The following KCTD8 variants were observed in gnomAD, a reference collection of about 807,000 sequenced individuals.
KCTD8 encodes the protein potassium channel tetramerization domain containing 8, also known as BTB/POZ domain-containing protein KCTD8.
Under a neutral mutation model 31.5 loss-of-function variants are expected in KCTD8, and 27 were observed. That is an observed-to-expected ratio of 0.86 (90% CI 0.63 to 1.18). The LOEUF (loss-of-function observed/expected upper bound fraction) is 1.18, where lower values mean the gene tolerates loss of function less well. KCTD8 is among the 50% of genes most tolerant of loss of function. The pLI is 0.00. For missense variants in KCTD8, 658 were observed against 647.7 expected, an observed-to-expected ratio of 1.02 and a Z score of -0.17; for synonymous variants, 290 against 280.0, an observed-to-expected ratio of 1.04 and a Z score of -0.36.
chr4:44,312,499 C>G (rs894245775), intron 1 of KCTD8, among the ~76,000 whole-genome samples: 2 of 151,242 alleles, frequency 1.3e-5, no homozygotes, highest in Admixed American at 6.6e-5. Context: ...ATTATTCAAG[C>G]ACTAAAATCT....
At chr4:44,403,877 T>C (rs4695715) in intron 1 of KCTD8, among the ~76,000 whole-genome samples, 2 of 151,926 alleles carry the variant, frequency 1.3e-5, no homozygotes, top group African/African-American at 4.8e-5. Context: ...TAATATTTTT[T>C]AAAAATGTTT....
intron 1 of KCTD8, among the ~76,000 whole-genome samples, chr4:44,251,593 A>AAGTT (rs1178193059): frequency 6.6e-6 from 1 of 151,362 alleles, no homozygotes; most frequent in African/African-American, 2.4e-5. Context: ...ATTTGTCTTA[A>AAGTT]AGTTACATTT....
chr4:44,243,148 A>G (rs1418472056), intron 1 of KCTD8, among the ~76,000 whole-genome samples: 1 of 152,212 alleles, frequency 6.6e-6, no homozygotes, highest in East Asian at 1.9e-4. Context: ...AAATGATGAA[A>G]GACAGAAAGG....
At chr4:44,287,577 T>C (rs140840231) in intron 1 of KCTD8, among the ~76,000 whole-genome samples, 307 of 152,286 alleles carry the variant, frequency 2.0e-3, no homozygotes, top group African/African-American at 7.1e-3. Flanking sequence ...ATTGAAACAC[T>C]CTTCCTTACA....
chr4:44,405,593 A>T (rs1236742482), intron 1 of KCTD8, among the ~76,000 whole-genome samples: 1 of 152,000 alleles, frequency 6.6e-6, no homozygotes, highest in Admixed American at 6.6e-5. Flanking sequence ...AATCACAGAA[A>T]ACTAGAGAAA....
At chr4:44,351,336 C>G (rs974671408) in intron 1 of KCTD8, among the ~76,000 whole-genome samples, 2 of 151,998 alleles carry the variant, frequency 1.3e-5, no homozygotes, top group Non-Finnish European at 2.9e-5. Context: ...GACATTTTCA[C>G]CACAGGACTC....
At chr4:44,300,969 TG>T (rs1453710494) in intron 1 of KCTD8, among the ~76,000 whole-genome samples, 8 of 140,102 alleles carry the variant, frequency 5.7e-5, no homozygotes, top group African/African-American at 2.1e-4. Context: ...ATGCGGTGTT[TG>T]GTTTTTTGTC....
chr4:44,363,353 T>C (rs933653272), intron 1 of KCTD8, among the ~76,000 whole-genome samples: 2 of 152,138 alleles, frequency 1.3e-5, no homozygotes, highest in African/African-American at 4.8e-5. Flanking sequence ...TTCCTACAAA[T>C]TGTAATACTG....
chr4:44,383,131 C>CA (rs1029933351), intron 1 of KCTD8, among the ~76,000 whole-genome samples: 4 of 151,300 alleles, frequency 2.6e-5, no homozygotes, highest in East Asian at 2.0e-4. Context: ...AAGATCTCTG[C>CA]AAAAAAACCT....
chr4:44,205,587 C>A (rs539482100), intron 1 of KCTD8, among the ~76,000 whole-genome samples: 1 of 151,906 alleles, frequency 6.6e-6, no homozygotes, highest in African/African-American at 2.4e-5. Flanking sequence ...AACTCAGAAA[C>A]AATAAAAATA....
At chr4:44,235,029 C>T (rs1008854429) in intron 1 of KCTD8, among the ~76,000 whole-genome samples, 8 of 152,056 alleles carry the variant, frequency 5.3e-5, no homozygotes, top group African/African-American at 1.9e-4. Flanking sequence ...CTTGTCTTAT[C>T]TAACAGGACA....
chr4:44,221,417 T>C (rs1714804760), intron 1 of KCTD8, among the ~76,000 whole-genome samples: 3 of 151,952 alleles, frequency 2.0e-5, no homozygotes, highest in Admixed American at 6.6e-5. Flanking sequence ...CAGGGTTCTC[T>C]AGAGGGACGG....
intron 1 of KCTD8, among the ~76,000 whole-genome samples, chr4:44,397,737 A>G (rs1369574724): frequency 6.6e-6 from 1 of 152,196 alleles, no homozygotes; most frequent in Non-Finnish European, 1.5e-5. Context: ...GTAATTCTCT[A>G]GAAAGAAGAA....
chr4:44,234,354 G>A (rs1301761504), intron 1 of KCTD8, among the ~76,000 whole-genome samples: 1 of 152,138 alleles, frequency 6.6e-6, no homozygotes, highest in Non-Finnish European at 1.5e-5. Context: ...AGAGAGTAAG[G>A]TAAAACACCT....
intron 1 of KCTD8, among the ~76,000 whole-genome samples, chr4:44,409,494 T>C (rs1720900326): frequency 6.6e-6 from 1 of 152,064 alleles, no homozygotes; most frequent in South Asian, 2.1e-4. Flanking sequence ...TTGGCCCTTA[T>C]TTGGAGAAAT....
chr4:44,231,422 T>C (rs1389491731), intron 1 of KCTD8, among the ~76,000 whole-genome samples: 2 of 152,246 alleles, frequency 1.3e-5, no homozygotes, highest in African/African-American at 4.8e-5. Flanking sequence ...AAAACTTGTA[T>C]AGAATTACCT....
At chr4:44,415,599 C>A (rs1184644319) in intron 1 of KCTD8, among the ~76,000 whole-genome samples, 1 of 152,172 alleles carries the variant, frequency 6.6e-6, no homozygotes, top group Non-Finnish European at 1.5e-5. Flanking sequence ...CTGCTCCCTG[C>A]ATTCCAGCTG....
intron 1 of KCTD8, among the ~76,000 whole-genome samples, chr4:44,360,768 A>G (rs971520137): frequency 6.6e-6 from 1 of 152,046 alleles, no homozygotes; most frequent in Non-Finnish European, 1.5e-5. Flanking sequence ...TGCACAGCCA[A>G]CAATTCTTTA....
intron 1 of KCTD8, among the ~76,000 whole-genome samples, chr4:44,184,627 G>A (rs963148893): frequency 6.6e-6 from 1 of 152,102 alleles, no homozygotes; most frequent in Non-Finnish European, 1.5e-5. Flanking sequence ...CAGAAACTGT[G>A]CTTTTCTATT....
Sources: allele counts gnomAD v4.1 joint callset (sites outside exome capture counted in the v4.1 genomes callset), GRCh38; gene constraint gnomAD v4.1.1; transcripts MANE v1.5; gene names NCBI Gene and HGNC (gene_info 2026-07-23, HGNC 2026-07-21).